Variants in MINDY4 observed in about 807,000 individuals in gnomAD.
MINDY4 encodes MINDY lysine 48 deubiquitinase 4, also known as probable ubiquitin carboxyl-terminal hydrolase MINDY-4.
In MINDY4, 68 loss-of-function variants were observed where a neutral mutation model predicts 87.0. That is an observed-to-expected ratio of 0.78 (90% confidence interval 0.64 to 0.96). MINDY4 has a LOEUF of 0.96. Ranked by LOEUF, MINDY4 falls within the 40% of genes least tolerant of loss-of-function variation. The pLI is 0.00. For missense variants in MINDY4, 919 were observed against 928.2 expected (o/e 0.99, Z 0.13); for synonymous variants, 379 against 363.2 (o/e 1.04, Z -0.50).
intron 5 of MINDY4, among the ~76,000 whole-genome samples, chr7:30,814,561 C>G (rs931035793): frequency 6.6e-6 from 1 of 152,166 alleles, no homozygotes; most frequent in Non-Finnish European, 1.5e-5. Context: ...CTACACAGGA[C>G]TTTCGTGAGA....
rs760411623 is a variant in MINDY4 at position 30,850,456 on chromosome 7, G to T, written c.1448G>T (p.Gly483Val). 19 of 1,611,194 alleles carry T rather than the reference G, an allele frequency of 1.2e-5. No individual in the cohort carries two copies. The highest frequency in any genetic ancestry group is 1.6e-5 in the Non-Finnish European group (19 of 1,178,878). Residue 483 changes from glycine (G) to valine (V), a missense_variant and splice_region_variant, in exon 10 of 18, where the codon GGA becomes GTA. By Grantham distance (109) the Gly-to-Val change is moderately radical (BLOSUM62 -3). Transcript: ENST00000265299. The part of the protein sequence containing the change: ...EGDSKADCAQ[G>V]LQPSDAHRTR... ...TGCCTTCCTTTTCTTGTCCGCAGGG[G>T]ACTGCAGCCTTCAGATGCCCACCGG...
At chr7:30,828,988 C>G (rs1788608995) in intron 6 of MINDY4, among the ~76,000 whole-genome samples, 1 of 152,182 alleles carries the variant, frequency 6.6e-6, no homozygotes, top group Non-Finnish European at 1.5e-5. Flanking sequence ...CAGAGAAGCT[C>G]TTTCTGCTTT....
chr7:30,781,924 C>T, intron 2 of MINDY4, 53 bp from the exon 3 acceptor site: 1 of 1,276,082 alleles, frequency 7.8e-7, no homozygotes, highest in South Asian at 1.3e-5. Flanking sequence ...CTTTTCCACT[C>T]TTCCCTGAAG....
chr7:30,878,828 A>G (rs565896188), intron 15 of MINDY4, among the ~76,000 whole-genome samples: 3 of 152,300 alleles, frequency 2.0e-5, no homozygotes, highest in Non-Finnish European at 2.9e-5. Flanking sequence ...TTACTCAACC[A>G]GGAGCACGTC....
chr7:30,839,349 C>A (rs1202977511), intron 8 of MINDY4, 33 bp downstream of exon 8: 1 of 1,405,398 alleles, frequency 7.1e-7, no homozygotes, highest in Non-Finnish European at 9.8e-7. Flanking sequence ...TGGGACCTTT[C>A]TGCTGGGCCA....
intron 9 of MINDY4, among the ~76,000 whole-genome samples, chr7:30,847,027 G>T (rs1216204907): frequency 8.5e-5 from 13 of 152,068 alleles, no homozygotes; most frequent in Admixed American, 8.5e-4. Context: ...GGGAACTCCT[G>T]GGTTAAAGAC....
intron 9 of MINDY4, among the ~76,000 whole-genome samples, chr7:30,844,474 C>T (rs1789143806): frequency 6.6e-6 from 1 of 152,012 alleles, no homozygotes; most frequent in Admixed American, 6.5e-5. Flanking sequence ...GGTCCTGCCT[C>T]AGGTCGCAGG....
rs370031394 is a variant in MINDY4, at chr7:30,815,949, A to G, written c.1074-12730A>G. 1.4e-4 allele frequency among the ~76,000 whole-genome samples: 21 copies of G among 152,352 alleles called. No homozygotes were observed. The East Asian group carries it at 4.1e-3, about 29-fold the overall frequency. On this transcript the variant is annotated intron_variant, in intron 5 of 17. Coordinates refer to ENST00000265299, the MANE Select transcript of MINDY4 (RefSeq NM_032222.3). ...GCCTCAAATATCCAGCATGGGATAGATTAAAATAAACCAAGATGAGAGTCA... is the reference window on the plus strand; with the variant it reads ...GCCTCAAATATCCAGCATGGGATAGGTTAAAATAAACCAAGATGAGAGTCA...
chr7:30,849,364 G>A (rs763885730), intron 9 of MINDY4, among the ~76,000 whole-genome samples: 6 of 152,164 alleles, frequency 3.9e-5, no homozygotes, highest in Non-Finnish European at 7.3e-5. Flanking sequence ...GCTAGCTTCC[G>A]TATGAGTTTT....
At chr7:30,860,667 G>A (rs1427365644) in intron 13 of MINDY4, among the ~76,000 whole-genome samples, 1 of 152,106 alleles carries the variant, frequency 6.6e-6, no homozygotes, top group Non-Finnish European at 1.5e-5. Context: ...CTCTGTGCTC[G>A]AGTGTGTCAG....
chr7:30,868,478 T>C (rs913822801), intron 13 of MINDY4, among the ~76,000 whole-genome samples: 4 of 152,224 alleles, frequency 2.6e-5, no homozygotes, highest in Admixed American at 1.3e-4. Context: ...CCATGCATTG[T>C]GCAGCCTGCT....
intron 13 of MINDY4, among the ~76,000 whole-genome samples, chr7:30,864,724 C>T (rs905721644): frequency 2.0e-5 from 3 of 152,226 alleles, no homozygotes; most frequent in Non-Finnish European, 4.4e-5. Context: ...CAGAGAAGGC[C>T]ACCACATCTG....
intron 1 of MINDY4, among the ~76,000 whole-genome samples, chr7:30,773,693 C>T (rs2128164046): frequency 6.6e-6 from 1 of 152,290 alleles, no homozygotes; most frequent in Middle Eastern, 3.4e-3. Flanking sequence ...GCCCCATGGT[C>T]ATGAGCTGGG....
Position 30,838,189 on chromosome 7 carries a change from C to T in MINDY4, c.1240-1011C>T, listed in dbSNP as rs73689313. Among the ~76,000 whole-genome samples, 760 of 152,138 alleles carry T rather than the reference C, an allele frequency of 5.0e-3. 5 individuals are homozygous for T. Among genetic ancestry groups the T allele is most frequent in the African/African-American group, 0.018 (733 of 41,506 alleles). On this transcript the variant is annotated intron_variant, in intron 7 of 17. Transcript: ENST00000265299. Reference sequence around the variant, plus strand: ...ACCTGCTGCCTTTCTCATCTGAGGGCCTGTCCATGGGGAAGGGATTGACCA... The same window carrying T: ...ACCTGCTGCCTTTCTCATCTGAGGGTCTGTCCATGGGGAAGGGATTGACCA...
chr7:30,808,512 C>T (rs987202940), intron 5 of MINDY4, among the ~76,000 whole-genome samples: 5 of 152,014 alleles, frequency 3.3e-5, no homozygotes, highest in East Asian at 3.9e-4. Flanking sequence ...GTGGTGTGAG[C>T]GTGGTGTTTT....
Position 30,885,711 on chromosome 7 carries a change from C to G in MINDY4, c.2225+2718C>G, listed in dbSNP as rs896005656. The stretch of plus-strand genomic sequence containing the variant: ...ACCAGGTAAGGGCAGTGCCCACCCC[C>G]CCCCCAACCCTGCTGCCTTGTGAGA... On this transcript the variant is annotated intron_variant, in intron 17 of 17. Coordinates refer to ENST00000265299, the MANE Select transcript of MINDY4 (RefSeq NM_032222.3). Among the ~76,000 whole-genome samples the G allele has an allele frequency of 1.3e-3, 202 of 150,464 alleles. 1 individual carries two copies. The highest frequency in any genetic ancestry group is 4.7e-3 in the African/African-American group (192 of 40,590).
At chr7:30,879,620 C>T (rs1358028712) in intron 15 of MINDY4, among the ~76,000 whole-genome samples, 1 of 152,212 alleles carries the variant, frequency 6.6e-6, no homozygotes, top group Admixed American at 6.5e-5. Flanking sequence ...TTTGTGCACG[C>T]TGCACCCTCC....
intron 1 of MINDY4, among the ~76,000 whole-genome samples, chr7:30,775,269 A>G (rs1786774633): frequency 6.6e-6 from 1 of 152,208 alleles, no homozygotes; most frequent in African/African-American, 2.4e-5. Flanking sequence ...CTGACCAACT[A>G]GCTATAAATT....
Position 30,791,305 on chromosome 7 carries a change from C to T in MINDY4, c.804C>T (p.Ser268=), listed in dbSNP as rs1049903498. ...DILASSNSSP[S]RTSLGQLSEL... is the part of the protein sequence containing the mutation. ...TGGCTTCGAGCAACAGCTCCCCCTC[C>T]AGGACCTCCCTGGGTCAGCTTAGTG... Residue 268 remains serine, a synonymous_variant, in exon 5 of 18, where the codon TCC becomes TCT. Transcript: ENST00000265299. 6.2e-7 allele frequency: 1 copy of T among 1,614,196 alleles called. No individual in the cohort carries two copies. The highest frequency in any genetic ancestry group is 1.3e-5 in the African/African-American group (1 of 75,050).
Sources: gnomAD v4.1 joint callset for allele counts (sites outside exome capture counted in the v4.1 genomes callset) on GRCh38, gnomAD v4.1.1 for gene constraint, MANE v1.5 for transcripts, NCBI Gene and HGNC (gene_info 2026-07-23, HGNC 2026-07-21) for gene names.